The following CPEB1 variants were observed in gnomAD, a reference collection of about 807,000 sequenced individuals.
CPEB1 encodes cytoplasmic polyadenylation element binding protein 1.
CPEB1 carries 7 observed loss-of-function variants against 65.8 expected under a neutral mutation model. That is an observed-to-expected ratio of 0.11 (90% CI 0.06 to 0.20). The LOEUF is 0.20. Among genes scored for constraint, CPEB1 ranks in the 10% least tolerant of loss-of-function variants. CPEB1 has a pLI of 1.00. For synonymous variants in CPEB1, 262 were observed against 260.0 expected, an observed-to-expected ratio of 1.01 and a Z score of -0.08; for missense variants, 551 against 712.2, an observed-to-expected ratio of 0.77 and a Z score of 2.58.
At chr15:82,603,397 C>G (rs1041057629) in intron 3 of CPEB1, among the ~76,000 whole-genome samples, 6 of 151,808 alleles carry the variant, frequency 4.0e-5, no homozygotes, top group Non-Finnish European at 8.8e-5. Flanking sequence ...ATTAAATATC[C>G]CAGGTGCCTG....
In CPEB1 at chr15:82,544,480, T is replaced by C; in HGVS notation, c.*112A>G. The C allele has an allele frequency of 1.5e-6, 1 of 686,408 alleles. No homozygotes were observed. The highest frequency in any genetic ancestry group is 2.5e-6 in the Non-Finnish European group (1 of 392,976). 42.5% of individuals were successfully genotyped at this position (686,408 alleles called of 1,614,324 possible). On this transcript the variant is annotated 3_prime_UTR_variant, in exon 13 of 13. Transcript: ENST00000684509. The stretch of plus-strand genomic sequence containing the variant: ...GCAAGTGCAAAGGTGACTACAATTT[T>C]CCCTTGTCCTTGGGAAGCCAGCTCC...
intron 1 of CPEB1, among the ~76,000 whole-genome samples, chr15:82,644,182 C>G (rs1046187062): frequency 6.6e-6 from 1 of 152,128 alleles, no homozygotes; most frequent in Admixed American, 6.5e-5. Context: ...TACTAACACT[C>G]AGAAGACCCA....
chr15:82,568,401 G>C (rs757454349), intron 4 of CPEB1, among the ~76,000 whole-genome samples: 21 of 152,128 alleles, frequency 1.4e-4, no homozygotes, highest in Admixed American at 1.0e-3. Context: ...TGGGGTATGA[G>C]AAAAACGCAC....
Position 82,547,289 on chromosome 15 carries a change from C to CTTT in CPEB1, c.1481-55_1481-53dup, listed in dbSNP as rs71156035. 3,349 of 388,788 alleles carry CTTT rather than the reference C, an allele frequency of 8.6e-3. 22 individuals are homozygous for CTTT. The highest frequency in any genetic ancestry group is 0.017 in the African/African-American group (435 of 25,274). The allele number at this position is 388,788 out of a possible 1,614,324, so 24.1% of individuals were successfully genotyped here. A position where few individuals can be genotyped will look rare whatever the true frequency, so the allele number is the denominator to read the frequency against. ...TCTAACCAAATTCTCCCAAATGCTA[C>CTTT]TTTTTTTTTTTTTTTTTTTTTTTTT... On this transcript the variant is annotated intron_variant, in intron 10 of 12. Coordinates refer to ENST00000684509, the MANE Select transcript of CPEB1 (RefSeq NM_001365242.1).
At chr15:82,553,818 T>C in intron 7 of CPEB1, 60 bp downstream of exon 7, 1 of 1,221,952 alleles carries the variant, frequency 8.2e-7, no homozygotes, top group Non-Finnish European at 1.2e-6. Flanking sequence ...CCAAGTTTCA[T>C]GCTCCTGAAA....
chr15:82,572,590 G>C (rs2040190269), intron 3 of CPEB1, among the ~76,000 whole-genome samples: 1 of 152,156 alleles, frequency 6.6e-6, no homozygotes, highest in Non-Finnish European at 1.5e-5. Context: ...TGTAGGCACA[G>C]ACTGAGGAAA....
At chr15:82,580,400 A>G (rs1372107211) in intron 3 of CPEB1, among the ~76,000 whole-genome samples, 2 of 152,142 alleles carry the variant, frequency 1.3e-5, no homozygotes, top group Non-Finnish European at 2.9e-5. Context: ...AAATATTTTA[A>G]AATAGATAAT....
chr15:82,586,230 T>C (rs1347362616), intron 3 of CPEB1, among the ~76,000 whole-genome samples: 1 of 151,342 alleles, frequency 6.6e-6, no homozygotes, highest in Admixed American at 6.6e-5. Context: ...GGTTGAAGCA[T>C]TTTTTTCAGA....
chr15:82,626,515 T>C (rs561728014), intron 3 of CPEB1, among the ~76,000 whole-genome samples: 1 of 152,280 alleles, frequency 6.6e-6, no homozygotes, highest in East Asian at 1.9e-4. Flanking sequence ...ATTCTTATAA[T>C]GGGTTGCAAC....
intron 3 of CPEB1, among the ~76,000 whole-genome samples, chr15:82,597,468 G>T (rs1237721926): frequency 1.3e-5 from 2 of 152,158 alleles, no homozygotes; most frequent in African/African-American, 2.4e-5. Context: ...TATTACAGAA[G>T]CGAGAAACAA....
intron 3 of CPEB1, among the ~76,000 whole-genome samples, chr15:82,575,757 G>A (rs1163317277): frequency 6.6e-6 from 1 of 151,968 alleles, no homozygotes; most frequent in Non-Finnish European, 1.5e-5. Flanking sequence ...CCTACTAGAT[G>A]GCTAAAATTT....
At chr15:82,574,530 C>A (rs2040424167) in intron 3 of CPEB1, among the ~76,000 whole-genome samples, 1 of 151,752 alleles carries the variant, frequency 6.6e-6, no homozygotes. Flanking sequence ...CCAGTCTGGC[C>A]AACGTGGTGA....
intron 4 of CPEB1, among the ~76,000 whole-genome samples, chr15:82,565,142 C>G (rs1374761574): frequency 1.3e-5 from 2 of 152,116 alleles, no homozygotes; most frequent in Non-Finnish European, 2.9e-5. Context: ...TTTGATATTT[C>G]CTTCAACCCA....
At chr15:82,568,918 G>A (rs1417619106) in intron 4 of CPEB1, among the ~76,000 whole-genome samples, 1 of 152,260 alleles carries the variant, frequency 6.6e-6, no homozygotes, top group Non-Finnish European at 1.5e-5. Context: ...AAGAGTGGTA[G>A]AAGATGGTCA....
At chr15:82,644,489 G>C (rs2047342357) in intron 1 of CPEB1, among the ~76,000 whole-genome samples, 1 of 152,156 alleles carries the variant, frequency 6.6e-6, no homozygotes, top group African/African-American at 2.4e-5. Context: ...TTCCAAACTA[G>C]CCTTCAGGTT....
At chr15:82,629,829 C>A in intron 1 of CPEB1, 3 of 985,350 alleles carry the variant, frequency 3.0e-6, no homozygotes, top group Non-Finnish European at 3.6e-6. Context: ...TGAGAATGAC[C>A]AAGAGCATTT....
chr15:82,630,595 G>C (rs1470936623), intron 1 of CPEB1, among the ~76,000 whole-genome samples: 1 of 151,816 alleles, frequency 6.6e-6, no homozygotes, highest in African/African-American at 2.4e-5. Flanking sequence ...GACAGAGCAA[G>C]ACCCTGTCTC....
At chr15:82,586,902 C>T (rs1389843263) in intron 3 of CPEB1, among the ~76,000 whole-genome samples, 2 of 152,114 alleles carry the variant, frequency 1.3e-5, no homozygotes, top group Non-Finnish European at 2.9e-5. Context: ...GCATTTTCCC[C>T]AAGGGATTTT....
intron 3 of CPEB1, 64 bp from the exon 4 acceptor site, chr15:82,571,596 A>G (rs575086178): frequency 1.3e-6 from 2 of 1,540,954 alleles, no homozygotes; most frequent in African/African-American, 1.4e-5. Context: ...AATATTATCA[A>G]CAGTAAATAT....
Sources: gnomAD v4.1 joint callset for allele counts (sites outside exome capture counted in the v4.1 genomes callset) on GRCh38, gnomAD v4.1.1 for gene constraint, MANE v1.5 for transcripts, NCBI Gene and HGNC (gene_info 2026-07-23, HGNC 2026-07-21) for gene names.